DNAH6: variants seen among roughly 807,000 people sequenced by gnomAD.
The protein encoded by DNAH6 is dynein axonemal heavy chain 6, also known as axonemal beta dynein heavy chain 6.
DNAH6 carries 340 observed loss-of-function variants against 491.4 expected under a neutral mutation model. That is an observed-to-expected ratio of 0.69 (90% CI 0.63 to 0.76). DNAH6 has a LOEUF of 0.76. Among genes scored for constraint, DNAH6 ranks in the 30% least tolerant of loss-of-function variants. DNAH6 has a pLI of 0.00. For synonymous variants in DNAH6, 1,603 were observed against 1,686.1 expected (o/e 0.95, Z 1.21); for missense variants, 4,443 against 4,972.2 (o/e 0.89, Z 3.20).
chr2:84,781,771 G>A (rs975186897), intron 65 of DNAH6, 118 bp downstream of exon 65: 97 of 1,265,068 alleles, frequency 7.7e-5, no homozygotes, highest in Non-Finnish European at 9.4e-5. Context: ...ATATGAAAGA[G>A]GAGAAATTTG....
chr2:84,684,944 T>C (rs1005568002), intron 42 of DNAH6, among the ~76,000 whole-genome samples: 1 of 152,140 alleles, frequency 6.6e-6, no homozygotes, highest in East Asian at 1.9e-4. Flanking sequence ...AGTATATGCA[T>C]TGAGAGGAGG....
chr2:84,607,217 C>A, intron 21 of DNAH6, 122 bp downstream of exon 21: 1 of 1,002,730 alleles, frequency 1.0e-6, no homozygotes, highest in Non-Finnish European at 1.4e-6. Context: ...TAATTGTGGA[C>A]ATGTTATTGT....
At position 84,604,364 on chromosome 2, in the gene DNAH6, A is replaced by T. The variant is rs1316181184; in HGVS notation, c.2894A>T (p.Asn965Ile). ...CTTCCAGTTATCATTGACTTGAGGAACCCGACTTTGAAGGCAAGACATTGG... is the reference window on the plus strand; with the variant it reads ...CTTCCAGTTATCATTGACTTGAGGATCCCGACTTTGAAGGCAAGACATTGG... ...EKLPVIIDLR[N>I]PTLKARHWAA... is the part of the protein sequence containing the mutation. The change falls in exon 19 of 77, where the codon AAC (asparagine) becomes ATC (isoleucine). Residue 965 changes from asparagine to isoleucine, a missense_variant. Transcript: ENST00000389394. The T allele has an allele frequency of 6.4e-7, 1 of 1,552,130 alleles. No homozygotes were observed. Among genetic ancestry groups the T allele is most frequent in the Non-Finnish European group, 8.7e-7 (1 of 1,147,060 alleles).
intron 70 of DNAH6, among the ~76,000 whole-genome samples, chr2:84,802,128 G>C (rs1470275678): frequency 6.6e-6 from 1 of 152,162 alleles, no homozygotes; most frequent in Non-Finnish European, 1.5e-5. Flanking sequence ...ATAGCCTACA[G>C]ACTGCATAAA....
intron 31 of DNAH6, among the ~76,000 whole-genome samples, 197 bp downstream of exon 31, chr2:84,637,574 A>G (rs1022099771): frequency 6.6e-6 from 1 of 152,236 alleles, no homozygotes; most frequent in Non-Finnish European, 1.5e-5. Flanking sequence ...CATAATACCC[A>G]AAATGGTATC....
intron 8 of DNAH6, 100 bp from the exon 9 acceptor site, chr2:84,549,786 AATT>A (rs2104551283): frequency 2.5e-6 from 2 of 786,594 alleles, no homozygotes; most frequent in South Asian, 4.5e-5. Context: ...TTCAAGGAGA[AATT>A]ATGATATTTT....
At chr2:84,608,676 C>G (rs1232356404) in intron 21 of DNAH6, among the ~76,000 whole-genome samples, 1 of 151,564 alleles carries the variant, frequency 6.6e-6, no homozygotes, top group Non-Finnish European at 1.5e-5. Flanking sequence ...TTTTAGAGCA[C>G]AGTCAGAGTA....
intron 11 of DNAH6, among the ~76,000 whole-genome samples, chr2:84,569,880 G>C (rs1049668651): frequency 6.6e-6 from 1 of 152,188 alleles, no homozygotes; most frequent in Non-Finnish European, 1.5e-5. Flanking sequence ...CATTGGAATA[G>C]AGTTGTGAAC....
intron 4 of DNAH6, among the ~76,000 whole-genome samples, chr2:84,532,812 C>T (rs762963272): frequency 3.6e-4 from 54 of 152,024 alleles, no homozygotes; most frequent in Non-Finnish European, 3.2e-4. Context: ...ATATGTCATG[C>T]TATTGATGAA....
chr2:84,508,531 T>C, the DNAH6 span, among the ~76,000 whole-genome samples: 2 of 152,220 alleles, frequency 1.3e-5, no homozygotes, highest in Admixed American at 6.5e-5. Flanking sequence ...CCAGGATTCA[T>C]TGATTTTTTG....
chr2:84,605,995 T>C (rs1685720586), intron 20 of DNAH6, among the ~76,000 whole-genome samples: 1 of 152,208 alleles, frequency 6.6e-6, no homozygotes, highest in Non-Finnish European at 1.5e-5. Context: ...CAAAGAAACC[T>C]GAATGAGCAT....
At position 84,642,011 on chromosome 2, in the gene DNAH6, T is replaced by TC; in HGVS notation, c.5037dup (p.Asn1680GlnfsTer9). The TC allele has an allele frequency of 6.4e-7, 1 of 1,551,038 alleles. No homozygotes were observed. The highest frequency in any genetic ancestry group is 1.2e-5 in the South Asian group (1 of 84,032). On this transcript the variant is annotated frameshift_variant, in exon 33 of 77. Coordinates refer to ENST00000389394, the MANE Select transcript of DNAH6 (RefSeq NM_001370.2). LOFTEE classifies it high-confidence loss of function. ...GGTGTTGATAAGAGCTTTACAAGAC[T>TC]CCAATTTGCCAAAATTTCTAACAGA...
intron 48 of DNAH6, 140 bp downstream of exon 48, chr2:84,699,874 C>T (rs959602657): frequency 1.5e-5 from 12 of 782,132 alleles, no homozygotes; most frequent in Non-Finnish European, 1.9e-5. Context: ...AGAGAATGAC[C>T]GTGACAATCA....
intron 60 of DNAH6, among the ~76,000 whole-genome samples, chr2:84,726,562 C>T (rs538753977): frequency 1.3e-5 from 2 of 152,236 alleles, no homozygotes; most frequent in South Asian, 4.1e-4. Context: ...CATGTTCTCA[C>T]TCATAGGTGG....
Position 84,781,665 on chromosome 2 carries a change from A to T in DNAH6, c.10864+12A>T, listed in dbSNP as rs1676717391. 6.5e-7 allele frequency: 1 copy of T among 1,536,512 alleles called. No homozygotes were observed. The highest frequency in any genetic ancestry group is 1.4e-5 in the African/African-American group (1 of 72,348). ...CTTCACAGATCCAGGTATGTTGAGCATATAGCCCTTGCATAATAATCACAT... is the reference window on the plus strand; with the variant it reads ...CTTCACAGATCCAGGTATGTTGAGCTTATAGCCCTTGCATAATAATCACAT... On this transcript the variant is annotated intron_variant, in intron 65 of 76. Coordinates refer to ENST00000389394, the MANE Select transcript of DNAH6 (RefSeq NM_001370.2).
chr2:84,646,697 C>T lies in DNAH6; in HGVS notation c.5078+4643C>T, dbSNP rs192388992. Among the ~76,000 whole-genome samples the T allele has an allele frequency of 5.3e-5, 8 of 152,316 alleles. No homozygotes were observed. The East Asian group carries it at 1.2e-3, about 22-fold the overall frequency. On this transcript the variant is annotated intron_variant, in intron 33 of 76. Transcript: ENST00000389394. ...AGCCTAATCCAGATCAAGGCTCTGA[C>T]TCTCTTCAATTCTATAAAGGAGGAG...
intron 4 of DNAH6, among the ~76,000 whole-genome samples, chr2:84,537,607 T>G (rs1295738842): frequency 6.6e-6 from 1 of 152,028 alleles, no homozygotes; most frequent in Non-Finnish European, 1.5e-5. Flanking sequence ...AATAGAAGTA[T>G]ATGAAAGTCT....
Position 84,637,231 on chromosome 2 carries a change from G to A in DNAH6, c.4675G>A (p.Gly1559Arg), listed in dbSNP as rs1688969002. Residue 1559 changes from glycine to arginine, a missense_variant, in exon 31 of 77, where the codon GGG (glycine) becomes AGG (arginine). Around this residue, in one of 3 missense-constraint regions of DNAH6, gnomAD observed 2,977 missense variants for 3,296.6 expected, o/e 0.90. Transcript: ENST00000389394. ...ACAGCTCTCTAGATTCATGTTTGAG[G>A]GGCGGGAAATAAAGTTGGTGATGAC... ...AAKLSRFMFE[G>R]REIKLVMTCA... 1 of 1,546,424 alleles carries A rather than the reference G, an allele frequency of 6.5e-7. No homozygotes were observed. The highest frequency in any genetic ancestry group is 8.7e-7 in the Non-Finnish European group (1 of 1,143,684).
chr2:84,571,666 C>T (rs962481289), intron 11 of DNAH6, among the ~76,000 whole-genome samples: 1 of 151,862 alleles, frequency 6.6e-6, no homozygotes, highest in African/African-American at 2.4e-5. Flanking sequence ...GTAATTCCAA[C>T]ACTTTGGGAG....
Sources: gnomAD v4.1 joint callset for allele counts (sites outside exome capture counted in the v4.1 genomes callset) on GRCh38, gnomAD v4.1.1 for gene constraint, gnomAD v4.1.1 regional missense constraint, MANE v1.5 for transcripts, NCBI Gene and HGNC (gene_info 2026-07-23, HGNC 2026-07-21) for gene names.